CTDP1: variants seen among roughly 807,000 people sequenced by gnomAD.
CTDP1 encodes the protein CTD phosphatase 1, also known as RNA polymerase II subunit A C-terminal domain phosphatase.
CTDP1 carries 47 observed loss-of-function variants against 91.8 expected under a neutral mutation model. The observed-to-expected ratio is 0.51, with a 90% CI of 0.41 to 0.65. The LOEUF (loss-of-function observed/expected upper bound fraction) is 0.65, where lower values mean the gene tolerates loss of function less well. CTDP1 is among the 30% of genes least tolerant of loss of function. The pLI is 0.00. For synonymous variants in CTDP1, 656 were observed against 598.5 expected, an observed-to-expected ratio of 1.10 and a Z score of -1.40; for missense variants, 1,272 against 1,373.7, an observed-to-expected ratio of 0.93 and a Z score of 1.17.
chr18:79,692,550 A>G (rs897037568), intron 1 of CTDP1, among the ~76,000 whole-genome samples: 5 of 152,238 alleles, frequency 3.3e-5, no homozygotes, highest in African/African-American at 1.2e-4. Flanking sequence ...TCATGTTAAC[A>G]TGTTTAGGAG....
In CTDP1 at chr18:79,715,397, C is replaced by T. The variant is rs753615274; in HGVS notation, c.1937C>T (p.Pro646Leu). 1.2e-5 allele frequency: 20 copies of T among 1,604,472 alleles called. No homozygotes were observed. The highest frequency in any genetic ancestry group is 2.7e-5 in the African/African-American group (2 of 74,782). ...GCCATAATTTTCAGTGGGCTACACC[C>T]GACAAACTTCCCGATAGAGAAGACG... is the stretch of plus-strand genomic sequence containing the variant. Reference protein sequence around the residue: ...DVAIIFSGLHPTNFPIEKTRE... With the variant: ...DVAIIFSGLHLTNFPIEKTRE... Residue 646 changes from proline to leucine, a missense_variant, in exon 8 of 13, where the codon CCG becomes CTG. Pro to Leu is a moderately conservative substitution (Grantham distance 98, BLOSUM62 -3). Coordinates refer to ENST00000613122, the MANE Select transcript of CTDP1 (RefSeq NM_004715.5).
intron 12 of CTDP1, among the ~76,000 whole-genome samples, chr18:79,738,319 C>A (rs1428963803): frequency 6.6e-6 from 1 of 152,338 alleles, no homozygotes; most frequent in Admixed American, 6.5e-5. Context: ...CAGGTCCTGC[C>A]GACATCCTCA....
At chr18:79,712,422 C>T (rs568281646) in intron 6 of CTDP1, among the ~76,000 whole-genome samples, 12 of 152,336 alleles carry the variant, frequency 7.9e-5, no homozygotes, top group Non-Finnish European at 1.2e-4. Context: ...GCCGGGACTA[C>T]GGGCGCACAC....
chr18:79,740,572 G>A (rs976901331), intron 12 of CTDP1, among the ~76,000 whole-genome samples: 4 of 152,172 alleles, frequency 2.6e-5, no homozygotes, highest in Admixed American at 2.0e-4. Flanking sequence ...TTTCCCATGC[G>A]TGGCAATGCG....
intron 1 of CTDP1, among the ~76,000 whole-genome samples, chr18:79,683,363 A>T (rs1215045562): frequency 6.6e-6 from 1 of 152,228 alleles, no homozygotes; most frequent in Non-Finnish European, 1.5e-5. Context: ...TATGCAAATA[A>T]CACGCACTTG....
chr18:79,706,693 A>T (rs2085973685), intron 5 of CTDP1, among the ~76,000 whole-genome samples: 1 of 152,220 alleles, frequency 6.6e-6, no homozygotes, highest in African/African-American at 2.4e-5. Flanking sequence ...ATTTTATGTA[A>T]GATTTTTTTC....
chr18:79,728,741 A>G (rs561541037), intron 10 of CTDP1, among the ~76,000 whole-genome samples, 166 bp from the exon 11 acceptor site: 71 of 152,350 alleles, frequency 4.7e-4, no homozygotes, highest in African/African-American at 1.6e-3. Flanking sequence ...ATTCTGATCC[A>G]TTAACCTCTG....
At chr18:79,737,875 C>T (rs530088512) in intron 12 of CTDP1, among the ~76,000 whole-genome samples, 14 of 152,322 alleles carry the variant, frequency 9.2e-5, no homozygotes, top group South Asian at 2.1e-4. Context: ...GAATAGGACA[C>T]GGTGATGCTG....
chr18:79,751,511 G>A (rs1358452121), intron 12 of CTDP1, among the ~76,000 whole-genome samples: 2 of 152,194 alleles, frequency 1.3e-5, no homozygotes, highest in Non-Finnish European at 2.9e-5. Context: ...CTGATCGGCT[G>A]TGTGTGCCAG....
intron 12 of CTDP1, among the ~76,000 whole-genome samples, chr18:79,741,642 G>A (rs1038641679): frequency 1.3e-5 from 2 of 152,202 alleles, no homozygotes; most frequent in Non-Finnish European, 2.9e-5. Flanking sequence ...TTCCTGACAC[G>A]AGTACCCAGA....
intron 11 of CTDP1, among the ~76,000 whole-genome samples, chr18:79,731,762 T>C (rs974240979): frequency 1.3e-5 from 2 of 152,226 alleles, no homozygotes; most frequent in Non-Finnish European, 2.9e-5. Flanking sequence ...AAATTCTGCA[T>C]TTAATATACG....
chr18:79,694,211 G>T (rs892889190), intron 1 of CTDP1, among the ~76,000 whole-genome samples: 19 of 139,496 alleles, frequency 1.4e-4, no homozygotes, highest in Admixed American at 9.9e-4. Flanking sequence ...CCTCATGTCT[G>T]CAGGGCAGGG....
chr18:79,696,469 G>C (rs573819990), intron 3 of CTDP1, among the ~76,000 whole-genome samples: 39 of 152,258 alleles, frequency 2.6e-4, no homozygotes, highest in African/African-American at 8.9e-4. Flanking sequence ...GATGACCCGG[G>C]AGGGCAAAGC....
intron 10 of CTDP1, among the ~76,000 whole-genome samples, chr18:79,725,583 G>A (rs1242857661): frequency 6.6e-6 from 1 of 151,582 alleles, no homozygotes; most frequent in East Asian, 2.0e-4. Flanking sequence ...CTTGCTTTGG[G>A]ATTATTTCTT....
chr18:79,681,059 G>A (rs985106468), intron 1 of CTDP1: 1 of 152,316 alleles, frequency 6.6e-6, no homozygotes, highest in Non-Finnish European at 1.5e-5. Flanking sequence ...CTCCCTCTGG[G>A]AAAGGTGCCG....
chr18:79,699,648 T>C (rs1157859048), intron 4 of CTDP1, among the ~76,000 whole-genome samples: 1 of 152,152 alleles, frequency 6.6e-6, no homozygotes, highest in Non-Finnish European at 1.5e-5. Context: ...TCTGCACACA[T>C]ATACCTTCAT....
chr18:79,704,710 G>A (rs1465600403), intron 4 of CTDP1, 57 bp from the exon 5 acceptor site: 1 of 1,606,844 alleles, frequency 6.2e-7, no homozygotes, highest in Non-Finnish European at 8.5e-7. Flanking sequence ...ACAGGTTGCG[G>A]GGGCGGCCGG....
chr18:79,682,598 T>G (rs186003760), intron 1 of CTDP1, among the ~76,000 whole-genome samples: 136 of 152,362 alleles, frequency 8.9e-4, no homozygotes, highest in African/African-American at 3.1e-3. Context: ...GTAAATCGTC[T>G]GCTGTTCGCA....
chr18:79,685,567 T>G (rs1317753298), intron 1 of CTDP1: 1 of 152,144 alleles, frequency 6.6e-6, no homozygotes, highest in African/African-American at 2.4e-5. Context: ...AGAAAAACAT[T>G]GCTGAATAAA....
Sources: gnomAD v4.1 joint callset for allele counts (sites outside exome capture counted in the v4.1 genomes callset) on GRCh38, gnomAD v4.1.1 for gene constraint, MANE v1.5 for transcripts, NCBI Gene and HGNC (gene_info 2026-07-23, HGNC 2026-07-21) for gene names.